The following LY86 variants were observed in gnomAD, a reference collection of about 807,000 sequenced individuals.
LY86 encodes the protein lymphocyte antigen 86.
In LY86, 20 loss-of-function variants were observed where a neutral mutation model predicts 17.3. That is an observed-to-expected ratio of 1.15 (90% CI 0.81 to 1.68). The LOEUF is 1.68. Ranked by LOEUF, LY86 falls within the 40% of genes most tolerant of loss-of-function variation. The pLI is 0.00. For synonymous variants in LY86, 74 were observed against 70.6 expected (o/e 1.05, Z -0.24); for missense variants, 200 against 191.9 (o/e 1.04, Z -0.25).
At chr6:6,626,460 C>T in intron 3 of LY86, 39 bp downstream of exon 3, 1 of 1,608,776 alleles carries the variant, frequency 6.2e-7, no homozygotes, top group Non-Finnish European at 8.5e-7. Flanking sequence ...CAGGGGCCTG[C>T]AGAGAGATAA....
intron 3 of LY86, among the ~76,000 whole-genome samples, chr6:6,642,585 G>A (rs1762055057): frequency 6.6e-6 from 1 of 152,168 alleles, no homozygotes; most frequent in Non-Finnish European, 1.5e-5. Context: ...TGAAGGCAGT[G>A]GACATTCTTA....
intron 3 of LY86, among the ~76,000 whole-genome samples, chr6:6,637,016 T>TG: frequency 6.7e-6 from 1 of 148,724 alleles, no homozygotes; most frequent in East Asian, 2.0e-4. Context: ...TTTTTTTTTT[T>TG]TTTTTTTTTA....
chr6:6,624,386 T>TGGGATGGGATGGGATGGGATGGGAG (rs1425478466), intron 1 of LY86, among the ~76,000 whole-genome samples: 1 of 89,064 alleles, frequency 1.1e-5, no homozygotes, highest in Non-Finnish European at 2.0e-5. Flanking sequence ...TGGGATGGGA[T>TGGGATGGGATGGGATGGGATGGGAG]GGGATGGGAT....
At chr6:6,612,438 C>T (rs2326812) in intron 1 of LY86, among the ~76,000 whole-genome samples, 19,795 of 152,158 alleles carry the variant, frequency 0.13, 1,661 homozygotes, top group East Asian at 0.27. Context: ...AAACCGCAAA[C>T]CTTCATGGGG....
chr6:6,603,704 A>T (rs1179056327), intron 1 of LY86, among the ~76,000 whole-genome samples: 1 of 151,802 alleles, frequency 6.6e-6, no homozygotes, highest in East Asian at 1.9e-4. Flanking sequence ...AAAACGTGTC[A>T]ATGTCCATTA....
At chr6:6,624,892 A>C (rs1240867919) in intron 1 of LY86, 34 bp from the exon 2 acceptor site, 2 of 966,902 alleles carry the variant, frequency 2.1e-6, no homozygotes, top group African/African-American at 3.3e-5. Flanking sequence ...TATACGATGT[A>C]CTCGCAACTA....
At chr6:6,595,016 G>GAA (rs1640085764) in intron 1 of LY86, among the ~76,000 whole-genome samples, 1 of 152,074 alleles carries the variant, frequency 6.6e-6, no homozygotes, top group Non-Finnish European at 1.5e-5. Context: ...AGACCAGGCA[G>GAA]AAGGCACAGC....
intron 3 of LY86, among the ~76,000 whole-genome samples, chr6:6,648,769 A>G (rs911714162): frequency 6.6e-6 from 1 of 151,254 alleles, no homozygotes; most frequent in Non-Finnish European, 1.5e-5. Context: ...ATCTTGGAAA[A>G]AAGAAAAAAA....
chr6:6,613,547 G>T (rs955138042), intron 1 of LY86, among the ~76,000 whole-genome samples: 1 of 152,146 alleles, frequency 6.6e-6, no homozygotes, highest in African/African-American at 2.4e-5. Flanking sequence ...CCGAGTGCGG[G>T]GCCCGCCGAT....
chr6:6,616,807 T>G (rs1235168042), intron 1 of LY86, among the ~76,000 whole-genome samples: 1 of 152,256 alleles, frequency 6.6e-6, no homozygotes, highest in African/African-American at 2.4e-5. Context: ...AGATCATCTT[T>G]GCAGCTGTGC....
intron 1 of LY86, among the ~76,000 whole-genome samples, chr6:6,612,084 T>C (rs920625686): frequency 6.6e-6 from 1 of 152,170 alleles, no homozygotes; most frequent in African/African-American, 2.4e-5. Context: ...TAGCAAGATT[T>C]GAGAAGATCC....
chr6:6,604,912 T>C lies in LY86; in HGVS notation c.136+16042T>C, dbSNP rs1208396882. ...ATAGACTGACAGCTGGCTCCAGCAA[T>C]ACTCTCATAGAAAAGAGAAAATAAC... On this transcript the variant is annotated intron_variant, in intron 1 of 4. Transcript: ENST00000230568. Among the ~76,000 whole-genome samples the C allele has an allele frequency of 2.0e-5, 3 of 150,452 alleles. No individual in the cohort carries two copies. In the East Asian group the frequency reaches 5.8e-4, roughly 29 times the overall value.
chr6:6,614,598 G>C (rs1295127229), intron 1 of LY86, among the ~76,000 whole-genome samples: 1 of 151,974 alleles, frequency 6.6e-6, no homozygotes. Context: ...TTTTGCAGGC[G>C]TGTCCTGTCT....
intron 3 of LY86, among the ~76,000 whole-genome samples, chr6:6,629,224 G>C (rs1761860971): frequency 6.6e-6 from 1 of 152,188 alleles, no homozygotes; most frequent in South Asian, 2.1e-4. Context: ...ATCATATAGT[G>C]TAAAATGATC....
chr6:6,619,933 CA>C (rs1168122290), intron 1 of LY86, among the ~76,000 whole-genome samples: 5 of 151,900 alleles, frequency 3.3e-5, no homozygotes, highest in Admixed American at 1.3e-4. Flanking sequence ...ACTACCTTTA[CA>C]AAGCAGGAAG....
At chr6:6,642,277 G>A (rs1218980705) in intron 3 of LY86, among the ~76,000 whole-genome samples, 6 of 152,246 alleles carry the variant, frequency 3.9e-5, no homozygotes, top group African/African-American at 1.4e-4. Flanking sequence ...ACTGTATGGG[G>A]AGAACTGGAA....
chr6:6,649,694 T>C lies in LY86; in HGVS notation c.405+17T>C. 1.4e-6 allele frequency: 2 copies of C among 1,458,490 alleles called. No homozygotes were observed. Among genetic ancestry groups the C allele is most frequent in the South Asian group, 1.2e-5 (1 of 86,416 alleles). The allele number at this position is 1,458,490 out of a possible 1,614,324, so 90.3% of individuals were successfully genotyped here. A position where few individuals can be genotyped will look rare whatever the true frequency, so the allele number is the denominator to read the frequency against. ...ATTCCTCAGGTAAGATATTACTTAC[T>C]TCTTGTATTAAATAGTTTGTTTCTT... On this transcript the variant is annotated intron_variant, in intron 4 of 4. Coordinates refer to ENST00000230568, the MANE Select transcript of LY86 (RefSeq NM_004271.4).
intron 1 of LY86, among the ~76,000 whole-genome samples, chr6:6,609,317 G>A (rs1761274202): frequency 6.6e-6 from 1 of 152,206 alleles, no homozygotes. Flanking sequence ...AGAAAGAAAT[G>A]GCGAATTGGC....
chr6:6,652,697 C>T (rs1002492772), intron 4 of LY86, among the ~76,000 whole-genome samples: 3 of 152,208 alleles, frequency 2.0e-5, no homozygotes, highest in East Asian at 1.9e-4. Context: ...ACAGCAGAAA[C>T]GCTGCACTCA....
Sources: allele counts gnomAD v4.1 joint callset (sites outside exome capture counted in the v4.1 genomes callset), GRCh38; gene constraint gnomAD v4.1.1; transcripts MANE v1.5; gene names NCBI Gene and HGNC (gene_info 2026-07-23, HGNC 2026-07-21).